The following WDFY1 variants were observed in gnomAD, a reference collection of about 807,000 sequenced individuals.
WDFY1 encodes WD repeat and FYVE domain-containing protein 1.
A neutral mutation model predicts 56.4 loss-of-function variants in WDFY1; 32 were observed. That is an observed-to-expected ratio of 0.57 (90% CI 0.43 to 0.76). The LOEUF (loss-of-function observed/expected upper bound fraction) is 0.76. Among genes scored for constraint, WDFY1 ranks in the 30% least tolerant of loss-of-function variants. The pLI, the probability that WDFY1 is intolerant of heterozygous loss-of-function variation, is 0.00. For synonymous variants in WDFY1, 192 were observed against 197.3 expected, an observed-to-expected ratio of 0.97 and a Z score of 0.23; for missense variants, 480 against 545.7, an observed-to-expected ratio of 0.88 and a Z score of 1.20.
chr2:223,945,332 T>G lies in WDFY1; in HGVS notation c.-48A>C. The G allele has an allele frequency of 6.6e-7, 1 of 1,513,814 alleles. No homozygotes were observed. The highest frequency in any genetic ancestry group is 2.7e-5 in the East Asian group (1 of 37,394). The allele number at this position is 1,513,814 out of a possible 1,614,324, so 93.8% of individuals were successfully genotyped here. Reference sequence around the variant, plus strand: ...CCTCCTCGGCAGGCAGCCCATCAGCTGACGCCTGGGCGGGCGGGGGACGCG... The same window carrying G: ...CCTCCTCGGCAGGCAGCCCATCAGCGGACGCCTGGGCGGGCGGGGGACGCG... On this transcript the variant is annotated 5_prime_UTR_variant, in exon 1 of 12. Transcript: ENST00000233055.
chr2:223,889,629 G>A (rs758442102), intron 8 of WDFY1, among the ~76,000 whole-genome samples: 1 of 152,064 alleles, frequency 6.6e-6, no homozygotes, highest in Non-Finnish European at 1.5e-5. Flanking sequence ...TGATTGTGAC[G>A]CCTCCCCAGC....
chr2:223,923,380 A>G lies in WDFY1; in HGVS notation c.138-5370T>C, dbSNP rs552163278. Among the ~76,000 whole-genome samples the G allele has an allele frequency of 2.0e-4, 31 of 152,370 alleles. 1 individual carries two copies. The South Asian group carries it at 6.4e-3, about 32-fold the overall frequency. ...AAAATACAACAAATTCCAGACTAAA[A>G]AATTACTATCCAGTAAATTGGAAGT... On this transcript the variant is annotated intron_variant, in intron 1 of 11. Transcript: ENST00000233055.
intron 8 of WDFY1, among the ~76,000 whole-genome samples, chr2:223,886,281 G>A (rs1325360801): frequency 1.3e-5 from 2 of 152,154 alleles, no homozygotes; most frequent in Admixed American, 1.3e-4. Flanking sequence ...GGAGGTTGCA[G>A]TGAGCCAAGA....
intron 7 of WDFY1, 157 bp from the exon 8 acceptor site, chr2:223,894,496 CT>C: frequency 4.5e-6 from 3 of 673,960 alleles, no homozygotes; most frequent in Non-Finnish European, 7.8e-6. Context: ...ATAAACTTTA[CT>C]TGGCATTTTA....
chr2:223,904,282 C>T (rs899818279), intron 4 of WDFY1, among the ~76,000 whole-genome samples: 15 of 152,192 alleles, frequency 9.9e-5, no homozygotes, highest in Non-Finnish European at 1.9e-4. Flanking sequence ...GAAGGAGTCT[C>T]GCTCTGTTGC....
chr2:223,888,050 T>C (rs1001394801), intron 8 of WDFY1, among the ~76,000 whole-genome samples: 1 of 151,804 alleles, frequency 6.6e-6, no homozygotes, highest in Non-Finnish European at 1.5e-5. Flanking sequence ...ATGGTGAAAC[T>C]GCATCATCAA....
intron 1 of WDFY1, among the ~76,000 whole-genome samples, chr2:223,918,965 GA>G (rs1693842304): frequency 6.6e-6 from 1 of 152,226 alleles, no homozygotes; most frequent in Non-Finnish European, 1.5e-5. Flanking sequence ...GCCCATGCAG[GA>G]AAATGACAAA....
intron 5 of WDFY1, chr2:223,899,307 T>C (rs902622327): frequency 4.6e-6 from 2 of 431,722 alleles, no homozygotes; most frequent in Non-Finnish European, 8.4e-6. Flanking sequence ...TTTATATTCA[T>C]TCATTCAACA....
chr2:223,888,201 C>T (rs558548151), intron 8 of WDFY1, among the ~76,000 whole-genome samples: 163 of 152,234 alleles, frequency 1.1e-3, no homozygotes, highest in Non-Finnish European at 1.8e-3. Flanking sequence ...CTCCTCTCAG[C>T]TGCCCTAGTA....
chr2:223,926,218 C>G (rs540393967), intron 1 of WDFY1, among the ~76,000 whole-genome samples: 5 of 152,300 alleles, frequency 3.3e-5, no homozygotes, highest in Admixed American at 6.5e-5. Context: ...ACAATCAAGG[C>G]TCACTGCAAC....
At chr2:223,941,239 G>T (rs1004373385) in intron 1 of WDFY1, among the ~76,000 whole-genome samples, 1 of 151,856 alleles carries the variant, frequency 6.6e-6, no homozygotes, top group African/African-American at 2.4e-5. Context: ...TTACAGTCGT[G>T]AGCCACCGCA....
rs1349184618 is a variant in WDFY1 at position 223,895,646 on chromosome 2, A to G, written c.599-16T>C. On this transcript the variant is annotated splice_polypyrimidine_tract_variant and intron_variant, in intron 6 of 11. Coordinates refer to ENST00000233055, the MANE Select transcript of WDFY1 (RefSeq NM_020830.5). ...GCGACACTACCTAGGGATTTGTGAG[A>G]GAGAGAGAGAGAGGGAGGCAGGGGA... 1 of 1,562,184 alleles carries G rather than the reference A, an allele frequency of 6.4e-7. No individual in the cohort carries two copies. The highest frequency in any genetic ancestry group is 2.3e-5 in the East Asian group (1 of 43,544).
At chr2:223,903,534 CAA>C (rs57620636) in intron 4 of WDFY1, among the ~76,000 whole-genome samples, 62,557 of 147,030 alleles carry the variant, frequency 0.43, 13,633 homozygotes, top group East Asian at 0.54. Flanking sequence ...AAAAACAAAA[CAA>C]AACAAAAAAA....
At chr2:223,894,386 A>T (rs1693326798) in intron 7 of WDFY1, 47 bp from the exon 8 acceptor site, 4 of 1,596,202 alleles carry the variant, frequency 2.5e-6, no homozygotes, top group Non-Finnish European at 2.6e-6. Flanking sequence ...GCGGAAAAAC[A>T]CAGGAACTGT....
intron 2 of WDFY1, among the ~76,000 whole-genome samples, chr2:223,914,671 A>G (rs1693759769): frequency 6.6e-6 from 1 of 152,216 alleles, no homozygotes; most frequent in African/African-American, 2.4e-5. Flanking sequence ...ATGAGCATGG[A>G]TTGGAATTCC....
At chr2:223,909,578 G>A (rs1220596389) in intron 3 of WDFY1, among the ~76,000 whole-genome samples, 1 of 151,986 alleles carries the variant, frequency 6.6e-6, no homozygotes, top group East Asian at 1.9e-4. Context: ...CTTAAACTAG[G>A]CTGGCTCTCA....
chr2:223,900,954 C>A, intron 5 of WDFY1: 1 of 468,008 alleles, frequency 2.1e-6, no homozygotes, highest in Non-Finnish European at 3.7e-6. Flanking sequence ...TTACAGCAAA[C>A]TTACGGAAGT....
At position 223,905,939 on chromosome 2, in the gene WDFY1, A is replaced by T; in HGVS notation, c.334+8T>A. 1 of 1,557,328 alleles carries T rather than the reference A, an allele frequency of 6.4e-7. No homozygotes were observed. Among genetic ancestry groups the T allele is most frequent in the Non-Finnish European group, 8.7e-7 (1 of 1,152,022 alleles). On this transcript the variant is annotated splice_region_variant and intron_variant, in intron 4 of 11. Transcript: ENST00000233055. Reference sequence around the variant, plus strand: ...ATGTGTACGCAAGATAATGTGTATTATAATTACCTGGGTAGGTCTTGATAA... The same window carrying T: ...ATGTGTACGCAAGATAATGTGTATTTTAATTACCTGGGTAGGTCTTGATAA...
chr2:223,938,943 C>T (rs1253187168), intron 1 of WDFY1, among the ~76,000 whole-genome samples: 8 of 151,856 alleles, frequency 5.3e-5, no homozygotes, highest in Non-Finnish European at 1.2e-4. Context: ...CAACCTCCGC[C>T]TACCGGGCTC....
Sources: allele counts gnomAD v4.1 joint callset (sites outside exome capture counted in the v4.1 genomes callset), GRCh38; gene constraint gnomAD v4.1.1; transcripts MANE v1.5; gene names NCBI Gene and HGNC (gene_info 2026-07-23, HGNC 2026-07-21).